The following EFCAB11 variants were observed in gnomAD, a reference collection of about 807,000 sequenced individuals.
The protein encoded by EFCAB11 is EF-hand calcium binding domain 11.
In EFCAB11, 14 loss-of-function variants were observed where a neutral mutation model predicts 23.0. The ratio of observed to expected loss-of-function variants is 0.61; its 90% confidence interval spans 0.40 to 0.95. The LOEUF (loss-of-function observed/expected upper bound fraction) is 0.95, where lower values mean the gene tolerates loss of function less well. Ranked by LOEUF, EFCAB11 falls within the 40% of genes least tolerant of loss-of-function variation. The pLI, the probability that EFCAB11 is intolerant of heterozygous loss-of-function variation, is 0.00. For missense variants in EFCAB11, 198 were observed against 195.8 expected (o/e 1.01, Z -0.07); for synonymous variants, 65 against 66.6 (o/e 0.98, Z 0.11).
chr14:89,892,153 C>G, intron 5 of EFCAB11: 1 of 1,565,078 alleles, frequency 6.4e-7, no homozygotes, highest in Admixed American at 1.9e-5. Context: ...CGGACAAGGT[C>G]ATCTTCCTGC....
intron 5 of EFCAB11, among the ~76,000 whole-genome samples, chr14:89,815,893 A>G (rs1430912849): frequency 6.6e-6 from 1 of 152,136 alleles, no homozygotes; most frequent in Non-Finnish European, 1.5e-5. Context: ...GAAGAAAAGA[A>G]TTTTAGCATT....
At chr14:89,897,954 T>C (rs1386454201) in intron 5 of EFCAB11, among the ~76,000 whole-genome samples, 1 of 152,192 alleles carries the variant, frequency 6.6e-6, no homozygotes, top group Non-Finnish European at 1.5e-5. Flanking sequence ...GAACAGTTCC[T>C]TCAGTACTAA....
At chr14:89,929,987 T>C (rs891136051) in intron 5 of EFCAB11, among the ~76,000 whole-genome samples, 29 of 152,224 alleles carry the variant, frequency 1.9e-4, no homozygotes, top group Admixed American at 1.3e-4. Flanking sequence ...AAAATGAGTA[T>C]CAATTTTTAG....
At chr14:89,896,780 T>C (rs1889180295) in intron 5 of EFCAB11, among the ~76,000 whole-genome samples, 1 of 152,142 alleles carries the variant, frequency 6.6e-6, no homozygotes, top group African/African-American at 2.4e-5. Context: ...AGCCTCAAAC[T>C]CCTGCATCTT....
chr14:89,921,246 A>G (rs928974891), intron 5 of EFCAB11, among the ~76,000 whole-genome samples: 1 of 152,126 alleles, frequency 6.6e-6, no homozygotes, highest in Non-Finnish European at 1.5e-5. Context: ...AGAAGACCAG[A>G]AAGGCGGAGT....
At chr14:89,918,342 C>A (rs182971330) in intron 5 of EFCAB11, among the ~76,000 whole-genome samples, 2,652 of 152,032 alleles carry the variant, frequency 0.017, 81 homozygotes, top group African/African-American at 0.061. Flanking sequence ...AGTTCCACAC[C>A]AGCCTGACCA....
At position 89,954,332 on chromosome 14, in the gene EFCAB11, G is replaced by C. The variant is rs368349605; in HGVS notation, c.75+254C>G. ...CAAAGGGGCTGGCTTTGAAAGGCGG[G>C]AGAGATGCAGACTCAAGGTTACCAT... is the stretch of plus-strand genomic sequence containing the variant. On this transcript the variant is annotated intron_variant, in intron 1 of 5. Transcript: ENST00000316738. The C allele has an allele frequency of 2.6e-6, 4 of 1,534,966 alleles. No homozygotes were observed. In the Admixed American group the frequency reaches 7.8e-5, roughly 30 times the overall value.
At chr14:89,952,036 A>G (rs1054482184) in intron 2 of EFCAB11, among the ~76,000 whole-genome samples, 4 of 152,220 alleles carry the variant, frequency 2.6e-5, no homozygotes, top group African/African-American at 9.6e-5. Flanking sequence ...TCATTTGCTC[A>G]AAAGCAATAT....
chr14:89,941,219 C>T (rs954884025), intron 3 of EFCAB11, among the ~76,000 whole-genome samples: 10 of 152,176 alleles, frequency 6.6e-5, no homozygotes, highest in Non-Finnish European at 1.2e-4. Context: ...TGTGCTTGCT[C>T]GTGTTTTCCT....
At chr14:89,891,211 A>C (rs1888953286) in intron 5 of EFCAB11, among the ~76,000 whole-genome samples, 1 of 152,336 alleles carries the variant, frequency 6.6e-6, no homozygotes, top group Admixed American at 6.5e-5. Flanking sequence ...AGCTCCAGAA[A>C]GTTGAATACA....
chr14:89,840,573 TATGTAAGACAAACATG>T (rs2140126726), intron 5 of EFCAB11, among the ~76,000 whole-genome samples: 1 of 152,358 alleles, frequency 6.6e-6, no homozygotes, highest in South Asian at 2.1e-4. Context: ...GAATGTTAAT[TATGTAAGACAAACATG>T]ATGTATTCAA....
At chr14:89,853,872 T>C (rs777822352) in intron 5 of EFCAB11, among the ~76,000 whole-genome samples, 6 of 152,096 alleles carry the variant, frequency 3.9e-5, no homozygotes, top group Non-Finnish European at 8.8e-5. Flanking sequence ...GCAATATTTG[T>C]AAGGAAAGAA....
intron 5 of EFCAB11, among the ~76,000 whole-genome samples, chr14:89,873,423 T>C (rs1888343008): frequency 6.6e-6 from 1 of 152,062 alleles, no homozygotes; most frequent in South Asian, 2.1e-4. Flanking sequence ...CCCTGGCCCC[T>C]CCCAAATCTC....
chr14:89,924,491 A>C, intron 5 of EFCAB11: 24 of 1,373,416 alleles, frequency 1.7e-5, no homozygotes, highest in East Asian at 5.8e-5. Context: ...GGTGGTGGGA[A>C]TGTACAAATA....
intron 5 of EFCAB11, among the ~76,000 whole-genome samples, chr14:89,904,116 A>G (rs1889420059): frequency 6.6e-6 from 1 of 152,070 alleles, no homozygotes; most frequent in African/African-American, 2.4e-5. Context: ...TCCTAATGCT[A>G]TCCCTCCCCC....
At chr14:89,881,816 A>T (rs541761722) in intron 5 of EFCAB11, among the ~76,000 whole-genome samples, 1 of 152,178 alleles carries the variant, frequency 6.6e-6, no homozygotes, top group East Asian at 1.9e-4. Flanking sequence ...ACTTGTCTTA[A>T]ATTTTCCTTC....
chr14:89,922,369 C>T (rs972652765), intron 5 of EFCAB11, among the ~76,000 whole-genome samples: 4 of 152,272 alleles, frequency 2.6e-5, no homozygotes, highest in Admixed American at 6.5e-5. Context: ...ATAAAGGAGA[C>T]GGCCATGCCA....
At chr14:89,806,658 T>C (rs1158722429) in intron 5 of EFCAB11, among the ~76,000 whole-genome samples, 1 of 152,140 alleles carries the variant, frequency 6.6e-6, no homozygotes, top group African/African-American at 2.4e-5. Context: ...AGGGAGACAG[T>C]GTGGTCCAGC....
chr14:89,800,188 T>TAAACAAACAAACAAAC (rs55693480), intron 5 of EFCAB11, among the ~76,000 whole-genome samples: 2 of 149,894 alleles, frequency 1.3e-5, no homozygotes, highest in Non-Finnish European at 3.0e-5. Context: ...CTCAATCTCG[T>TAAACAAACAAACAAAC]AAACAAACAA....
Sources: gnomAD v4.1 joint callset for allele counts (sites outside exome capture counted in the v4.1 genomes callset) on GRCh38, gnomAD v4.1.1 for gene constraint, MANE v1.5 for transcripts, NCBI Gene and HGNC (gene_info 2026-07-23, HGNC 2026-07-21) for gene names.